Variants in EGFR observed in about 807,000 individuals in gnomAD.
The protein encoded by EGFR is avian erythroblastic leukemia viral (v-erb-b) oncogene homolog.
EGFR carries 58 observed loss-of-function variants against 143.0 expected under a neutral mutation model. The observed-to-expected ratio is 0.41, with a 90% confidence interval of 0.33 to 0.50. The LOEUF (loss-of-function observed/expected upper bound fraction) is 0.50. EGFR is among the 20% of genes least tolerant of loss of function. EGFR has a pLI of 0.39. For synonymous variants in EGFR, 613 were observed against 594.4 expected (o/e 1.03, Z -0.45); for missense variants, 1,307 against 1,579.0 (o/e 0.83, Z 2.92).
At chr7:55,094,897 C>G (rs867623367) in intron 1 of EGFR, among the ~76,000 whole-genome samples, 2 of 152,120 alleles carry the variant, frequency 1.3e-5, no homozygotes, top group Non-Finnish European at 2.9e-5. Context: ...CATTTTGGAC[C>G]ATTTTGGACC....
At chr7:55,145,204 G>A (rs774719080) in intron 3 of EGFR, among the ~76,000 whole-genome samples, 4 of 152,150 alleles carry the variant, frequency 2.6e-5, no homozygotes, top group Non-Finnish European at 4.4e-5. Flanking sequence ...TGCTCTCCTC[G>A]CCCCGCCCCC....
At chr7:55,073,147 T>A (rs1415743096) in intron 1 of EGFR, among the ~76,000 whole-genome samples, 1 of 152,226 alleles carries the variant, frequency 6.6e-6, no homozygotes, top group Admixed American at 6.5e-5. Flanking sequence ...CATTTAGTCA[T>A]CTGTGATTTT....
At chr7:55,053,468 C>T (rs1788608431) in intron 1 of EGFR, among the ~76,000 whole-genome samples, 1 of 152,236 alleles carries the variant, frequency 6.6e-6, no homozygotes, top group African/African-American at 2.4e-5. Flanking sequence ...ACCTTGGTGT[C>T]TCTGGGCCTT....
At position 55,143,477 on chromosome 7, in the gene EGFR, G is replaced by A. The variant is rs1437762652; in HGVS notation, c.413G>A (p.Arg138Lys). Residue 138 changes from arginine to lysine, a missense_variant, in exon 3 of 28, where the codon AGA (arginine) becomes AAA (lysine). Arg to Lys is a conservative substitution (Grantham distance 26). Transcript: ENST00000275493. The stretch of plus-strand genomic sequence containing the variant: ...ACCGGACTGAAGGAGCTGCCCATGA[G>A]AAATTTACAGGGTGAGAGGCTGGGA... ...NKTGLKELPM[R>K]NLQEILHGAV... The A allele has an allele frequency of 9.3e-6, 15 of 1,614,188 alleles. No homozygotes were observed. Among genetic ancestry groups the A allele is most frequent in the Non-Finnish European group, 1.3e-5 (15 of 1,180,038 alleles).
intron 1 of EGFR, among the ~76,000 whole-genome samples, chr7:55,020,817 G>T (rs928405016): frequency 2.0e-5 from 3 of 151,828 alleles, no homozygotes; most frequent in Non-Finnish European, 4.4e-5. Flanking sequence ...CAGCGCGGTC[G>T]TTGGGGGAGG....
At chr7:55,151,604 G>T (rs1229357645) in intron 5 of EGFR, among the ~76,000 whole-genome samples, 1 of 152,180 alleles carries the variant, frequency 6.6e-6, no homozygotes, top group African/African-American at 2.4e-5. Flanking sequence ...GGCTGGGCGC[G>T]GTGGCTCACC....
intron 1 of EGFR, among the ~76,000 whole-genome samples, chr7:55,051,173 A>G (rs543556688): frequency 6.6e-6 from 1 of 152,280 alleles, no homozygotes; most frequent in African/African-American, 2.4e-5. Flanking sequence ...CTCTTTGCAC[A>G]AGTTTCTTCT....
chr7:55,170,997 A>G, intron 15 of EGFR, 178 bp from the exon 16 acceptor site: 1 of 1,465,450 alleles, frequency 6.8e-7, no homozygotes, highest in Non-Finnish European at 9.0e-7. Flanking sequence ...GTGAATGAAC[A>G]AATGAATAAA....
At chr7:55,098,300 G>A (rs1169021671) in intron 1 of EGFR, among the ~76,000 whole-genome samples, 2 of 152,172 alleles carry the variant, frequency 1.3e-5, no homozygotes, top group African/African-American at 4.8e-5. Flanking sequence ...GACTGGCAGG[G>A]ATGGGGCTAG....
At chr7:55,049,477 C>T (rs983037490) in intron 1 of EGFR, among the ~76,000 whole-genome samples, 1 of 152,198 alleles carries the variant, frequency 6.6e-6, no homozygotes, top group Non-Finnish European at 1.5e-5. Context: ...GTGCTTGTAT[C>T]AGCCCTTAAA....
At position 55,142,321 on chromosome 7, in the gene EGFR, G is replaced by A. The variant is rs1442908038; in HGVS notation, c.124G>A (p.Gly42Ser). The A allele has an allele frequency of 6.2e-7, 1 of 1,614,148 alleles. No individual in the cohort carries two copies. Among genetic ancestry groups the A allele is most frequent in the Non-Finnish European group, 8.5e-7 (1 of 1,180,040 alleles). ...CACGAGTAACAAGCTCACGCAGTTG[G>A]GCACTTTTGAAGATCATTTTCTCAG... ...QGTSNKLTQL[G>S]TFEDHFLSLQ... Residue 42 changes from glycine (G) to serine (S), a missense_variant, in exon 2 of 28, where the codon GGC becomes AGC. This residue lies in a region of EGFR where 311 missense variants were observed against 412.3 expected (regional missense o/e 0.75). Transcript: ENST00000275493.
chr7:55,049,639 G>A (rs2128873366), intron 1 of EGFR, among the ~76,000 whole-genome samples: 1 of 152,180 alleles, frequency 6.6e-6, no homozygotes, highest in East Asian at 1.9e-4. Context: ...GCTCTCTGAT[G>A]ACTGCTTCAT....
At chr7:55,154,492 A>G (rs1785314623) in intron 7 of EGFR, among the ~76,000 whole-genome samples, 3 of 152,272 alleles carry the variant, frequency 2.0e-5, no homozygotes, top group Admixed American at 2.0e-4. Context: ...TCTGCTGGGC[A>G]CAAAGCCGTG....
intron 27 of EGFR, 199 bp downstream of exon 27, chr7:55,202,824 G>A (rs1584274562): frequency 1.4e-6 from 1 of 700,954 alleles, no homozygotes; most frequent in Non-Finnish European, 2.6e-6. Flanking sequence ...TGTTGTGTCT[G>A]GTTGTTTGCT....
At chr7:55,104,028 G>A (rs1266491665) in intron 1 of EGFR, among the ~76,000 whole-genome samples, 2 of 152,088 alleles carry the variant, frequency 1.3e-5, no homozygotes, top group Admixed American at 6.6e-5. Flanking sequence ...AATGTCAATC[G>A]AGGCCCAACT....
chr7:55,202,475 G>A (rs2128972927), intron 26 of EGFR, 42 bp from the exon 27 acceptor site: 1 of 1,525,672 alleles, frequency 6.6e-7, no homozygotes, highest in Non-Finnish European at 8.9e-7. Flanking sequence ...TGAAGTTGGG[G>A]CAGCCCTGAC....
intron 1 of EGFR, among the ~76,000 whole-genome samples, chr7:55,067,839 T>A (rs1049572573): frequency 2.0e-5 from 3 of 151,560 alleles, no homozygotes; most frequent in African/African-American, 7.3e-5. Flanking sequence ...TGTGTATGTG[T>A]GCACGTGTGC....
In EGFR at chr7:55,056,896, G is replaced by A. The variant is rs1259551073; in HGVS notation, c.88+37531G>A. On this transcript the variant is annotated intron_variant, in intron 1 of 27. Coordinates refer to ENST00000275493, the MANE Select transcript of EGFR (RefSeq NM_005228.5). ...TGCCCATGCCCTGTGCAGCTCAGAC[G>A]GTGTGTGCAGTGCAGTATGTAACCC... 3.9e-5 allele frequency among the ~76,000 whole-genome samples: 6 copies of A among 152,208 alleles called. No homozygotes were observed. In the South Asian group the frequency reaches 6.2e-4, roughly 16 times the overall value.
At chr7:55,082,385 G>A (rs1790512943) in intron 1 of EGFR, among the ~76,000 whole-genome samples, 1 of 151,744 alleles carries the variant, frequency 6.6e-6, no homozygotes, top group East Asian at 1.9e-4. Context: ...TTGGTGTTTT[G>A]GCTTGTTTGT....
Sources: gnomAD v4.1 joint callset for allele counts (sites outside exome capture counted in the v4.1 genomes callset) on GRCh38, gnomAD v4.1.1 for gene constraint, gnomAD v4.1.1 regional missense constraint, MANE v1.5 for transcripts, NCBI Gene and HGNC (gene_info 2026-07-23, HGNC 2026-07-21) for gene names.